EEF1A2: variants seen among roughly 807,000 people sequenced by gnomAD.
The protein encoded by EEF1A2 is eukaryotic translation elongation factor 1 alpha 2, also known as elongation factor 1-alpha 2.
EEF1A2 carries 5 observed loss-of-function variants against 39.3 expected under a neutral mutation model. The ratio of observed to expected loss-of-function variants is 0.13; its 90% CI spans 0.07 to 0.27. The LOEUF (loss-of-function observed/expected upper bound fraction) is 0.27, where lower values mean the gene tolerates loss of function less well. Among genes scored for constraint, EEF1A2 ranks in the 10% least tolerant of loss-of-function variants. EEF1A2 has a pLI of 1.00. For synonymous variants in EEF1A2, 287 were observed against 293.7 expected, an observed-to-expected ratio of 0.98 and a Z score of 0.23; for missense variants, 218 against 681.4, an observed-to-expected ratio of 0.32 and a Z score of 7.57.
At chr20:63,489,461 T>C (rs1323790189) in intron 6 of EEF1A2, among the ~76,000 whole-genome samples, 2 of 152,218 alleles carry the variant, frequency 1.3e-5, no homozygotes, top group East Asian at 1.9e-4. Flanking sequence ...TGTGTTTCAG[T>C]TGTATCTCAA....
chr20:63,493,275 T>C lies in EEF1A2; in HGVS notation c.634A>G (p.Lys212Glu). The change falls in exon 5 of 8, where the codon AAG (lysine) becomes GAG (glutamate). Residue 212 changes from lysine to glutamate, a missense_variant. This residue lies in a region of EEF1A2 where 79 missense variants were observed against 172.3 expected (regional missense o/e 0.46). Coordinates refer to ENST00000217182, the MANE Select transcript of EEF1A2 (RefSeq NM_001958.5). ...LEPSPNMPWF[K>E]GWKVERKEGN... ...TCCTTACGCTCCACCTTCCAGCCCTTGAACCACGGCATCTGGACCAAAGGG... is the reference window on the plus strand; with the variant it reads ...TCCTTACGCTCCACCTTCCAGCCCTCGAACCACGGCATCTGGACCAAAGGG... 1 of 1,523,026 alleles carries C rather than the reference T, an allele frequency of 6.6e-7. No individual in the cohort carries two copies. The highest frequency in any genetic ancestry group is 8.9e-7 in the Non-Finnish European group (1 of 1,129,778). The allele number at this position is 1,523,026 out of a possible 1,614,324, so 94.3% of individuals were successfully genotyped here. A position where few individuals can be genotyped will look rare whatever the true frequency, so the allele number is the denominator to read the frequency against.
Position 63,497,508 on chromosome 20 carries a change from G to T in EEF1A2, c.144+112C>A. The T allele has an allele frequency of 1.3e-6, 2 of 1,496,034 alleles. No homozygotes were observed. Among genetic ancestry groups the T allele is most frequent in the South Asian group, 1.4e-5 (1 of 73,678 alleles). The allele number at this position is 1,496,034 out of a possible 1,614,324, so 92.7% of individuals were successfully genotyped here. On this transcript the variant is annotated intron_variant, in intron 2 of 7. Coordinates refer to ENST00000217182, the MANE Select transcript of EEF1A2 (RefSeq NM_001958.5). The surrounding 1 kb of genome is among the most constrained non-coding windows in gnomAD (Gnocchi z 7.3). ...CCACAGCGGGGGTCCCTCCTGCCCTGGAGGAGGTCACCTGAGCCCCATGCC... is the reference window on the plus strand; with the variant it reads ...CCACAGCGGGGGTCCCTCCTGCCCTTGAGGAGGTCACCTGAGCCCCATGCC...
At position 63,491,035 on chromosome 20, in the gene EEF1A2, G is replaced by GA. The variant is rs1310670536; in HGVS notation, c.773-301dup. Among the ~76,000 whole-genome samples, 5 of 152,370 alleles carry GA rather than the reference G, an allele frequency of 3.3e-5. No individual in the cohort carries two copies. In the East Asian group the frequency reaches 9.6e-4, roughly 29 times the overall value. ...ACAGAGAAGCGGGAGGATGGGCAGA[G>GA]AGGGGCTGTCTGAACCTGGGGTCCC... On this transcript the variant is annotated intron_variant, in intron 5 of 7. Transcript: ENST00000217182.
chr20:63,499,019 G>A (rs1221996329), intron 1 of EEF1A2, 39 bp downstream of exon 1: 1 of 149,894 alleles, frequency 6.7e-6, no homozygotes, highest in South Asian at 2.1e-4. Flanking sequence ...TTCGGAAGAC[G>A]GGGGCGGGGG....
intron 6 of EEF1A2, 94 bp from the exon 7 acceptor site, chr20:63,489,246 C>CCTG (rs1386627150): frequency 1.6e-6 from 2 of 1,272,920 alleles, no homozygotes; most frequent in Non-Finnish European, 2.2e-6. Context: ...CACCGGCGCC[C>CCTG]CTGCACGGGC....
chr20:63,488,191 G>T lies in EEF1A2; in HGVS notation c.*107C>A. ...AGGTGCAGACATGCGCCTGGCGGGG[G>T]TGCGGGGCGCCGGACCGGCGCGCGG... is the stretch of plus-strand genomic sequence containing the variant. On this transcript the variant is annotated 3_prime_UTR_variant, in exon 8 of 8. Coordinates refer to ENST00000217182, the MANE Select transcript of EEF1A2 (RefSeq NM_001958.5). 1.4e-6 allele frequency: 1 copy of T among 735,186 alleles called. No homozygotes were observed. Among genetic ancestry groups the T allele is most frequent in the Non-Finnish European group, 1.7e-6 (1 of 605,548 alleles). The allele number at this position is 735,186 out of a possible 1,614,324, so 45.5% of individuals were successfully genotyped here.
In EEF1A2 at chr20:63,491,880, G is replaced by A. The variant is rs1306621749; in HGVS notation, c.773-1145C>T. ...TGGATGGGGAGGTGGATGGATAGAT[G>A]GATGGATGGATGGATGGATGGATGG... On this transcript the variant is annotated intron_variant, in intron 5 of 7. Coordinates refer to ENST00000217182, the MANE Select transcript of EEF1A2 (RefSeq NM_001958.5). Among the ~76,000 whole-genome samples the A allele has an allele frequency of 3.7e-3, 297 of 79,512 alleles. 5 individuals are homozygous for A. Among genetic ancestry groups the A allele is most frequent in the Non-Finnish European group, 6.8e-3 (224 of 32,906 alleles). 52.2% of individuals were successfully genotyped at this position (79,512 alleles called of 152,430 possible).
chr20:63,499,033 A>T (rs2082431778), intron 1 of EEF1A2, 25 bp downstream of exon 1: 1 of 136,968 alleles, frequency 7.3e-6, no homozygotes, highest in Non-Finnish European at 1.6e-5. Flanking sequence ...GCGGGGGCGG[A>T]GGCCCGGGGG....
intron 5 of EEF1A2, 88 bp from the exon 6 acceptor site, chr20:63,490,823 A>C: frequency 6.9e-6 from 10 of 1,458,950 alleles, no homozygotes; most frequent in Non-Finnish European, 9.2e-6. Context: ...GAAACCAACA[A>C]AGCCTGGGAC....
At position 63,495,108 on chromosome 20, in the gene EEF1A2, G is replaced by A. The variant is rs760916766; in HGVS notation, c.325-7C>T. The A allele has an allele frequency of 8.7e-6, 14 of 1,605,072 alleles. No homozygotes were observed. Among genetic ancestry groups the A allele is most frequent in the East Asian group, 4.5e-5 (2 of 44,758 alleles). Reference sequence around the variant, plus strand: ...TCAGCACTGCGCAGTCCGCCTGCCCGGCAGGGGACACAGTGAGCCCTGCCC... The same window carrying A: ...TCAGCACTGCGCAGTCCGCCTGCCCAGCAGGGGACACAGTGAGCCCTGCCC... On this transcript the variant is annotated splice_polypyrimidine_tract_variant and splice_region_variant and intron_variant, in intron 3 of 7. Coordinates refer to ENST00000217182, the MANE Select transcript of EEF1A2 (RefSeq NM_001958.5).
rs567163496 is a variant in EEF1A2 at position 63,489,202 on chromosome 20, G to A, written c.1030-50C>T. ...ATCAGGCACATCGGCGGTGGGCACC[G>A]GGAGGGCGCCAGAGCGGGGCTGGGA... On this transcript the variant is annotated intron_variant, in intron 6 of 7. Transcript: ENST00000217182. 6.3e-5 allele frequency: 99 copies of A among 1,575,972 alleles called. No homozygotes were observed. The South Asian group carries it at 9.2e-4, about 15-fold the overall frequency.
chr20:63,495,773 T>C, intron 3 of EEF1A2, 83 bp downstream of exon 3: 1 of 1,531,700 alleles, frequency 6.5e-7, no homozygotes, highest in South Asian at 1.2e-5. Context: ...GACCCTACCA[T>C]CCCAGTGACC....
In EEF1A2 at chr20:63,497,975, C is replaced by G. The variant is rs1433830242; in HGVS notation, c.-71-141G>C. 7 of 611,232 alleles carry G rather than the reference C, an allele frequency of 1.1e-5. No individual in the cohort carries two copies. The East Asian group carries it at 1.9e-4, about 17-fold the overall frequency. 37.9% of individuals were successfully genotyped at this position (611,232 alleles called of 1,614,324 possible). On this transcript the variant is annotated intron_variant, in intron 1 of 7. Transcript: ENST00000217182. The surrounding 1 kb of genome is among the most constrained non-coding windows in gnomAD (Gnocchi z 7.3). ...ATGTTTGGTGGGGAGGGAAGGGCCCCCACCCACAGCTGGGCCTGGCCAGGG... is the reference window on the plus strand; with the variant it reads ...ATGTTTGGTGGGGAGGGAAGGGCCCGCACCCACAGCTGGGCCTGGCCAGGG...
intron 5 of EEF1A2, among the ~76,000 whole-genome samples, chr20:63,491,054 G>A (rs1042589689): frequency 6.6e-6 from 1 of 152,212 alleles, no homozygotes; most frequent in African/African-American, 2.4e-5. Flanking sequence ...TCTGAACCTG[G>A]GGTCCCATCC....
intron 3 of EEF1A2, 42 bp downstream of exon 3, chr20:63,495,814 C>T: frequency 1.2e-6 from 2 of 1,602,934 alleles, no homozygotes. Context: ...TTGAAGGGTG[C>T]AGCGGCCTCT....
At chr20:63,489,280 G>A (rs1463151085) in intron 6 of EEF1A2, 128 bp from the exon 7 acceptor site, 2 of 879,410 alleles carry the variant, frequency 2.3e-6, no homozygotes, top group Non-Finnish European at 3.4e-6. Context: ...GTGCTGACTG[G>A]AGGGGGCTCA....
intron 5 of EEF1A2, among the ~76,000 whole-genome samples, chr20:63,492,271 TGTAC>T (rs2082387818): frequency 6.7e-6 from 1 of 149,492 alleles, no homozygotes; most frequent in Non-Finnish European, 1.5e-5. Context: ...GATGGATGGA[TGTAC>T]AGAAGGATGG....
chr20:63,498,896 G>C lies in EEF1A2; in HGVS notation c.-72+162C>G, dbSNP rs2082430831. ...CCGCCCCGCGCCGCCCCCCACCCCG[G>C]GCCCAGCCCGGCCGACGCGGGGACC... On this transcript the variant is annotated intron_variant, in intron 1 of 7. Coordinates refer to ENST00000217182, the MANE Select transcript of EEF1A2 (RefSeq NM_001958.5). The surrounding 1 kb of genome is among the most constrained non-coding windows in gnomAD (Gnocchi z 4.1). The C allele has an allele frequency of 6.7e-6, 1 of 149,668 alleles. No individual in the cohort carries two copies. Among genetic ancestry groups the C allele is most frequent in the Admixed American group, 6.6e-5 (1 of 15,064 alleles). 9.3% of individuals were successfully genotyped at this position (149,668 alleles called of 1,614,324 possible). A position where few individuals can be genotyped will look rare whatever the true frequency, so the allele number is the denominator to read the frequency against.
intron 5 of EEF1A2, among the ~76,000 whole-genome samples, chr20:63,491,466 C>T (rs570088312): frequency 6.6e-6 from 1 of 152,346 alleles, no homozygotes; most frequent in Admixed American, 6.5e-5. Flanking sequence ...TCACTGAGGC[C>T]AGTGGCTGTG....
Sources: gnomAD v4.1 joint callset for allele counts (sites outside exome capture counted in the v4.1 genomes callset) on GRCh38, gnomAD v4.1.1 for gene constraint, gnomAD v4.1.1 regional missense constraint, Gnocchi (gnomAD v3.1) non-coding constraint, MANE v1.5 for transcripts, NCBI Gene and HGNC (gene_info 2026-07-23, HGNC 2026-07-21) for gene names.